Variants in UPF2 observed in about 807,000 individuals in gnomAD.
UPF2 encodes regulator of nonsense transcripts 2.
Under a neutral mutation model 141.4 loss-of-function variants are expected in UPF2, and 17 were observed. The observed-to-expected ratio is 0.12, with a 90% CI of 0.08 to 0.18. UPF2 has a LOEUF of 0.18. Ranked by LOEUF, UPF2 falls within the 10% of genes least tolerant of loss-of-function variation. The pLI, the probability that UPF2 is intolerant of heterozygous loss-of-function variation, is 1.00. For missense variants in UPF2, 1,152 were observed against 1,515.9 expected, an observed-to-expected ratio of 0.76 and a Z score of 3.99; for synonymous variants, 540 against 498.0, an observed-to-expected ratio of 1.08 and a Z score of -1.12.
At position 11,931,713 on chromosome 10, in the gene UPF2, G is replaced by A. The variant is rs755657617; in HGVS notation, c.3616C>T (p.Gln1206Ter). The A allele has an allele frequency of 6.2e-7, 1 of 1,613,542 alleles. No individual in the cohort carries two copies. The change falls in exon 20 of 22, where the codon CAA (glutamine) becomes TAA (stop). Residue 1206 changes from glutamine to a stop codon, truncating the protein, a stop_gained. Coordinates refer to ENST00000357604, the MANE Select transcript of UPF2 (RefSeq NM_015542.4). LOFTEE classifies it high-confidence loss of function. This position sits in a 1 kb window ranked among gnomAD's most constrained non-coding sequence, Gnocchi z 5.9. The stretch of plus-strand genomic sequence containing the variant: ...TTTTTCATTCTCATCCTCTCTTCTT[G>A]TTCTGCCTGTTGCTGGTTCCAGTGA... ...ANHWNQQQAEQEERMRMKKLT... is the reference protein window; with the variant it reads ...ANHWNQQQAE
chr10:12,026,672 C>A (rs752908340), intron 3 of UPF2: 10 of 418,986 alleles, frequency 2.4e-5, no homozygotes, highest in Admixed American at 8.5e-5. Flanking sequence ...TTTTTTAGGA[C>A]GAAGTCTCGC....
At chr10:12,029,616 T>A in intron 2 of UPF2, 92 bp from the exon 3 acceptor site, 1 of 1,338,392 alleles carries the variant, frequency 7.5e-7, no homozygotes. Flanking sequence ...ATGAAAAAAA[T>A]TATCTAAGTA....
intron 11 of UPF2, among the ~76,000 whole-genome samples, chr10:11,962,080 T>C (rs921477818): frequency 2.0e-5 from 3 of 152,164 alleles, no homozygotes; most frequent in Admixed American, 6.5e-5. Flanking sequence ...TTGGACAAAA[T>C]AGAATGCATC....
chr10:11,920,213 C>T lies in UPF2; in HGVS notation c.*1085G>A, dbSNP rs1433203185. On this transcript the variant is annotated 3_prime_UTR_variant, in exon 22 of 22. Coordinates refer to ENST00000357604, the MANE Select transcript of UPF2 (RefSeq NM_015542.4). Reference sequence around the variant, plus strand: ...AGAAAAAAAGATGTAATCAAGTTGTCGCATACAGATGTGCTCTCCGACTAA... The same window carrying T: ...AGAAAAAAAGATGTAATCAAGTTGTTGCATACAGATGTGCTCTCCGACTAA... 1 of 152,042 alleles carries T rather than the reference C, an allele frequency of 6.6e-6. No homozygotes were observed. Among genetic ancestry groups the T allele is most frequent in the Admixed American group, 6.6e-5 (1 of 15,262 alleles). The allele number at this position is 152,042 out of a possible 1,614,324, so 9.4% of individuals were successfully genotyped here.
At position 12,014,275 on chromosome 10, in the gene UPF2, C is replaced by T; in HGVS notation, c.1146-91G>A. On this transcript the variant is annotated intron_variant, in intron 3 of 21. Coordinates refer to ENST00000357604, the MANE Select transcript of UPF2 (RefSeq NM_015542.4). This position sits in a 1 kb window ranked among gnomAD's most constrained non-coding sequence, Gnocchi z 5.0. ...GGGAAACATTCCATAATTTGATTTT[C>T]TCATACAAATTTAGTAAAATCTTCA... 1 of 1,209,172 alleles carries T rather than the reference C, an allele frequency of 8.3e-7. No individual in the cohort carries two copies. The highest frequency in any genetic ancestry group is 1.1e-6 in the Non-Finnish European group (1 of 943,112). The allele number at this position is 1,209,172 out of a possible 1,614,324, so 74.9% of individuals were successfully genotyped here.
intron 18 of UPF2, among the ~76,000 whole-genome samples, chr10:11,938,853 G>GTTTTTTTTTTTTTGTTT (rs1832890447): frequency 1.3e-5 from 1 of 79,816 alleles, no homozygotes; most frequent in African/African-American, 5.0e-5. Context: ...TTTTTTTTTT[G>GTTTTTTTTTTTTTGTTT]TTTTTTTTTT....
At chr10:11,984,230 CTT>C (rs1433371793) in intron 8 of UPF2, among the ~76,000 whole-genome samples, 1 of 152,168 alleles carries the variant, frequency 6.6e-6, no homozygotes, top group Non-Finnish European at 1.5e-5. Context: ...CAATTAATAA[CTT>C]TTAACGCTTT....
At chr10:11,942,190 A>G (rs764016029) in intron 18 of UPF2, among the ~76,000 whole-genome samples, 33 of 152,154 alleles carry the variant, frequency 2.2e-4, no homozygotes, top group Non-Finnish European at 4.1e-4. Context: ...CCTGGCCAAC[A>G]CGGTAAAACG....
chr10:11,988,379 C>T (rs573673543), intron 8 of UPF2, among the ~76,000 whole-genome samples: 41 of 152,260 alleles, frequency 2.7e-4, no homozygotes, highest in Non-Finnish European at 4.9e-4. Context: ...AGTGGTGAGA[C>T]CAGAGTGCAC....
At chr10:12,013,041 T>C (rs1834158695) in intron 4 of UPF2, among the ~76,000 whole-genome samples, 1 of 150,178 alleles carries the variant, frequency 6.7e-6, no homozygotes, top group Admixed American at 6.6e-5. Context: ...AGGAGACTCA[T>C]TTGAGCCCAA....
At chr10:12,012,086 T>C (rs1216752816) in intron 4 of UPF2, among the ~76,000 whole-genome samples, 1 of 151,506 alleles carries the variant, frequency 6.6e-6, no homozygotes, top group African/African-American at 2.4e-5. Flanking sequence ...GTTTTTTTTT[T>C]TTGAGACGGA....
At position 12,001,719 on chromosome 10, in the gene UPF2, T is replaced by A; in HGVS notation, c.1611A>T (p.Gly537=). 3.1e-6 allele frequency: 5 copies of A among 1,611,534 alleles called. No homozygotes were observed. The highest frequency in any genetic ancestry group is 4.2e-6 in the Non-Finnish European group (5 of 1,179,370). The change falls in exon 6 of 22, where the codon GGA becomes GGT. Residue 537 remains glycine, a synonymous_variant. Transcript: ENST00000357604. ...INDDTLELEG[G]DEAEDLTKKL... ...TCTTTGTAAGATCTTCAGCTTCATC[T>A]CCACCCTCTAATTCTAAGGTGTCAT...
intron 9 of UPF2, among the ~76,000 whole-genome samples, chr10:11,975,729 C>T (rs1181341053): frequency 6.6e-6 from 1 of 151,522 alleles, no homozygotes; most frequent in Non-Finnish European, 1.5e-5. Flanking sequence ...GTTGGTCAGG[C>T]TGGTCTCGAA....
At chr10:11,926,314 T>C (rs1832712459) in intron 21 of UPF2, among the ~76,000 whole-genome samples, 1 of 152,138 alleles carries the variant, frequency 6.6e-6, no homozygotes, top group South Asian at 2.1e-4. Context: ...GAGTCTTCCA[T>C]CTCTGAGTCA....
chr10:12,002,296 T>C (rs1015269312), intron 5 of UPF2, among the ~76,000 whole-genome samples: 5 of 152,126 alleles, frequency 3.3e-5, no homozygotes, highest in African/African-American at 9.7e-5. Context: ...ATTATGCTCA[T>C]TGAGAACGAA....
intron 12 of UPF2, among the ~76,000 whole-genome samples, chr10:11,957,808 T>G (rs961040101): frequency 6.6e-6 from 1 of 152,130 alleles, no homozygotes. Flanking sequence ...TGAGCCACTA[T>G]GCCAGCTAAT....
At chr10:11,986,025 C>T (rs1588553836) in intron 8 of UPF2, among the ~76,000 whole-genome samples, 1 of 151,690 alleles carries the variant, frequency 6.6e-6, no homozygotes, top group Admixed American at 6.6e-5. Context: ...GCTGGGACTA[C>T]AGGCGCCCGC....
chr10:11,961,682 G>T lies in UPF2; in HGVS notation c.2185-2326C>A, dbSNP rs538914403. Among the ~76,000 whole-genome samples, 176 of 152,232 alleles carry T rather than the reference G, an allele frequency of 1.2e-3. 2 individuals carry two copies. The Middle Eastern group carries it at 0.017, about 15-fold the overall frequency. ...TGTGAGATCAAGGAGGGCGGGGGCT[G>T]TATCTTTTTCACTGTCACATACGTA... On this transcript the variant is annotated intron_variant, in intron 11 of 21. Coordinates refer to ENST00000357604, the MANE Select transcript of UPF2 (RefSeq NM_015542.4).
At chr10:11,928,714 A>C in intron 21 of UPF2, 1 of 371,720 alleles carries the variant, frequency 2.7e-6, no homozygotes, top group Non-Finnish European at 5.3e-6. Context: ...GCCTCAGAAA[A>C]AAAAAAAACT....
Sources: gnomAD v4.1 joint callset for allele counts (sites outside exome capture counted in the v4.1 genomes callset) on GRCh38, gnomAD v4.1.1 for gene constraint, Gnocchi (gnomAD v3.1) non-coding constraint, MANE v1.5 for transcripts, NCBI Gene and HGNC (gene_info 2026-07-23, HGNC 2026-07-21) for gene names.